ALK: variants seen among roughly 807,000 people sequenced by gnomAD.
ALK encodes ALK tyrosine kinase receptor.
In ALK, 74 loss-of-function variants were observed where a neutral mutation model predicts 163.1. The observed-to-expected ratio is 0.45, with a 90% CI of 0.38 to 0.55. The LOEUF (loss-of-function observed/expected upper bound fraction) is 0.55, where lower values mean the gene tolerates loss of function less well. ALK is among the 20% of genes least tolerant of loss of function. ALK has a pLI of 0.00. For missense variants in ALK, 2,063 were observed against 2,105.3 expected, an observed-to-expected ratio of 0.98 and a Z score of 0.39; for synonymous variants, 960 against 843.2, an observed-to-expected ratio of 1.14 and a Z score of -2.40.
chr2:29,394,662 G>A (rs561269368), intron 4 of ALK, among the ~76,000 whole-genome samples: 21 of 152,256 alleles, frequency 1.4e-4, no homozygotes, highest in African/African-American at 5.1e-4. Context: ...CTGGCAGGGT[G>A]GGTGGTAGAT....
chr2:29,634,203 T>C (rs1174785019), intron 3 of ALK, among the ~76,000 whole-genome samples: 1 of 151,970 alleles, frequency 6.6e-6, no homozygotes. Context: ...GTTCAAGTGA[T>C]TCTCCTGCCT....
At chr2:29,312,131 C>A (rs1455006240) in intron 8 of ALK, among the ~76,000 whole-genome samples, 1 of 152,054 alleles carries the variant, frequency 6.6e-6, no homozygotes, top group Non-Finnish European at 1.5e-5. Flanking sequence ...AGAGGCCAAA[C>A]CCTCCAGATT....
At chr2:29,203,770 C>G (rs1454657617) in intron 26 of ALK, among the ~76,000 whole-genome samples, 2 of 151,850 alleles carry the variant, frequency 1.3e-5, no homozygotes, top group Admixed American at 6.6e-5. Flanking sequence ...AGGTGTGAGC[C>G]ACTGCGCCCG....
In ALK at chr2:29,209,769, A is replaced by G. The variant is rs1465135837; in HGVS notation, c.3836+17T>C. The G allele has an allele frequency of 6.2e-7, 1 of 1,602,802 alleles. No homozygotes were observed. The highest frequency in any genetic ancestry group is 1.7e-5 in the Admixed American group (1 of 59,996). ...TGGAAGAGACAGGCCCGGAGGGGTG[A>G]GGCAGTCTTTACTCACCTGTAGATG... On this transcript the variant is annotated intron_variant, in intron 25 of 28. Coordinates refer to ENST00000389048, the MANE Select transcript of ALK (RefSeq NM_004304.5).
chr2:29,379,602 C>T (rs1014873413), intron 5 of ALK, among the ~76,000 whole-genome samples: 1 of 151,994 alleles, frequency 6.6e-6, no homozygotes, highest in East Asian at 1.9e-4. Flanking sequence ...ATTTCCTGGC[C>T]CCAGGAAATG....
In ALK at chr2:29,227,680, G is replaced by A; in HGVS notation, c.2816-8C>T. On this transcript the variant is annotated splice_polypyrimidine_tract_variant and splice_region_variant and intron_variant, in intron 16 of 28. Coordinates refer to ENST00000389048, the MANE Select transcript of ALK (RefSeq NM_004304.5). This position sits in a 1 kb window ranked among gnomAD's most constrained non-coding sequence, Gnocchi z 4.4. ...TTGAGGCTGCATTGCCGCCTGAGTA[G>A]CAAACCAGAGCAGAGTTTAACATGG... 6.2e-7 allele frequency: 1 copy of A among 1,611,364 alleles called. No individual in the cohort carries two copies. The highest frequency in any genetic ancestry group is 1.3e-5 in the African/African-American group (1 of 74,954).
intron 1 of ALK, among the ~76,000 whole-genome samples, chr2:29,720,367 T>A (rs1679386192): frequency 6.6e-6 from 1 of 151,876 alleles, no homozygotes; most frequent in African/African-American, 2.4e-5. Context: ...ATCCACAGGG[T>A]TGAATATTGC....
Position 29,275,480 on chromosome 2 carries a change from C to T in ALK, c.1834G>A (p.Val612Ile), listed in dbSNP as rs1431784023. The change falls in exon 10 of 29, where the codon GTC becomes ATC. Residue 612 changes from valine (V) to isoleucine (I), a missense_variant. Physicochemically the swap from Val to Ile is conservative, Grantham distance 29. This residue lies in a region of ALK where 987 missense variants were observed against 939.5 expected (regional missense o/e 1.05). Transcript: ENST00000389048. ...DVSDRFWLQM[V>I]AWWGQGSRAI... The stretch of plus-strand genomic sequence containing the variant: ...CTGGATCCTTGTCCCCACCATGCGA[C>T]CATCTGCAGCCAGAACCTGTACACA... 4.3e-6 allele frequency: 7 copies of T among 1,614,104 alleles called. No homozygotes were observed. Among genetic ancestry groups the T allele is most frequent in the African/African-American group, 2.7e-5 (2 of 75,020 alleles).
Position 29,214,066 on chromosome 2 carries a change from G to C in ALK, c.3661C>G (p.Leu1221Val). ...ACGTGCAGAAGGTCCAGCATGGCCA[G>C]GGAGGAGGGCTGGCTCTGTGGGGAG... ...TRPRPSQPSS[L>V]AMLDLLHVAR... The change falls in exon 24 of 29, where the codon CTG becomes GTG. Residue 1221 changes from leucine (L) to valine (V), a missense_variant. By Grantham distance (32) the Leu-to-Val change is conservative (BLOSUM62 1). Transcript: ENST00000389048. The C allele has an allele frequency of 1.2e-6, 2 of 1,614,080 alleles. No individual in the cohort carries two copies. Among genetic ancestry groups the C allele is most frequent in the South Asian group, 1.1e-5 (1 of 91,068 alleles).
At chr2:29,373,731 T>C (rs1207807589) in intron 5 of ALK, among the ~76,000 whole-genome samples, 1 of 152,218 alleles carries the variant, frequency 6.6e-6, no homozygotes, top group Non-Finnish European at 1.5e-5. Context: ...GACCAGCGAA[T>C]TTCCTTCCTG....
At chr2:29,475,028 T>C (rs1174579791) in intron 4 of ALK, among the ~76,000 whole-genome samples, 1 of 146,652 alleles carries the variant, frequency 6.8e-6, no homozygotes, top group African/African-American at 2.5e-5. Context: ...CAGGCTCCTG[T>C]GTACCCCCTG....
intron 1 of ALK, among the ~76,000 whole-genome samples, chr2:29,878,504 G>A (rs935461754): frequency 7.2e-5 from 11 of 152,300 alleles, no homozygotes; most frequent in African/African-American, 2.2e-4. Context: ...CCAAGCCTAA[G>A]TTTTGTTCTT....
intron 5 of ALK, among the ~76,000 whole-genome samples, chr2:29,344,299 C>T (rs183459519): frequency 6.4e-4 from 98 of 152,264 alleles, no homozygotes; most frequent in Admixed American, 6.1e-3. Flanking sequence ...CTTTGGTATT[C>T]TTCTCATGAG....
intron 3 of ALK, among the ~76,000 whole-genome samples, chr2:29,541,815 A>G (rs1229126389): frequency 2.6e-5 from 4 of 152,156 alleles, no homozygotes; most frequent in African/African-American, 9.7e-5. Context: ...AAATTAACGG[A>G]GAGGTTGATA....
intron 3 of ALK, among the ~76,000 whole-genome samples, chr2:29,605,212 G>A (rs1264656194): frequency 5.9e-5 from 9 of 152,122 alleles, no homozygotes; most frequent in South Asian, 2.1e-4. Flanking sequence ...CTGAATGTGC[G>A]GTGCACGATA....
chr2:29,602,161 T>A (rs934617988), intron 3 of ALK, among the ~76,000 whole-genome samples: 31 of 152,228 alleles, frequency 2.0e-4, no homozygotes, highest in Admixed American at 1.6e-3. Flanking sequence ...GCCAGCAGGA[T>A]GGGATTTATC....
chr2:29,743,573 T>C (rs1329455652), intron 1 of ALK, among the ~76,000 whole-genome samples: 1 of 152,228 alleles, frequency 6.6e-6, no homozygotes, highest in Non-Finnish European at 1.5e-5. Flanking sequence ...CGGATTCCTG[T>C]TTGACGTGGA....
intron 1 of ALK, among the ~76,000 whole-genome samples, chr2:29,728,387 C>T (rs149440729): frequency 1.1e-3 from 169 of 152,360 alleles, no homozygotes; most frequent in African/African-American, 4.0e-3. Flanking sequence ...ATGTGCCGAG[C>T]TCTGCCCTTG....
At chr2:29,293,126 G>C (rs1470493437) in intron 9 of ALK, among the ~76,000 whole-genome samples, 1 of 152,218 alleles carries the variant, frequency 6.6e-6, no homozygotes, top group African/African-American at 2.4e-5. Flanking sequence ...TGGTTCATCT[G>C]ATGGGACACA....
Sources: gnomAD v4.1 joint callset for allele counts (sites outside exome capture counted in the v4.1 genomes callset) on GRCh38, gnomAD v4.1.1 for gene constraint, gnomAD v4.1.1 regional missense constraint, Gnocchi (gnomAD v3.1) non-coding constraint, MANE v1.5 for transcripts, NCBI Gene and HGNC (gene_info 2026-07-23, HGNC 2026-07-21) for gene names.